NAE1: variants seen among roughly 807,000 people sequenced by gnomAD.
NAE1 encodes NEDD8-activating enzyme E1 regulatory subunit.
Under a neutral mutation model 88.0 loss-of-function variants are expected in NAE1, and 59 were observed. The observed-to-expected ratio is 0.67, with a 90% CI of 0.54 to 0.83. The LOEUF (loss-of-function observed/expected upper bound fraction) is 0.83, where lower values mean the gene tolerates loss of function less well. Among genes scored for constraint, NAE1 ranks in the 40% least tolerant of loss-of-function variants. The pLI, the probability that NAE1 is intolerant of heterozygous loss-of-function variation, is 0.00. For missense variants in NAE1, 554 were observed against 632.8 expected, an observed-to-expected ratio of 0.88 and a Z score of 1.34; for synonymous variants, 186 against 208.9, an observed-to-expected ratio of 0.89 and a Z score of 0.95.
chr16:66,825,057 T>C (rs1037513796), intron 3 of NAE1, among the ~76,000 whole-genome samples, 172 bp from the exon 4 acceptor site: 1 of 152,246 alleles, frequency 6.6e-6, no homozygotes, highest in African/African-American at 2.4e-5. Flanking sequence ...TAAAGAAAGA[T>C]AGGCTAATAA....
chr16:66,812,642 C>T (rs1247910650), intron 13 of NAE1, among the ~76,000 whole-genome samples: 3 of 151,086 alleles, frequency 2.0e-5, no homozygotes, highest in East Asian at 1.9e-4. Flanking sequence ...CTCAGCCTCC[C>T]GAATAGCTGG....
chr16:66,811,188 C>T (rs951341309), intron 13 of NAE1, among the ~76,000 whole-genome samples: 1 of 152,168 alleles, frequency 6.6e-6, no homozygotes, highest in Admixed American at 6.6e-5. Flanking sequence ...GACAGGATCT[C>T]GCTCTGCCAC....
chr16:66,818,784 C>T (rs768247958), intron 7 of NAE1, 147 bp from the exon 8 acceptor site: 323 of 1,128,802 alleles, frequency 2.9e-4, no homozygotes, highest in Non-Finnish European at 3.7e-4. Flanking sequence ...GATCCTCCCA[C>T]CTCAGCCTCC....
intron 7 of NAE1, among the ~76,000 whole-genome samples, chr16:66,820,358 G>A (rs1960199248): frequency 6.6e-6 from 1 of 152,162 alleles, no homozygotes; most frequent in African/African-American, 2.4e-5. Context: ...AAACGACTTT[G>A]GTCTCTTACA....
At chr16:66,813,351 C>G (rs1475053556) in intron 13 of NAE1, 2 of 521,042 alleles carry the variant, frequency 3.8e-6, no homozygotes, top group Non-Finnish European at 3.3e-6. Flanking sequence ...ATGTTGCCCA[C>G]GATGGTCTCA....
At chr16:66,830,044 C>T (rs987012791) in intron 1 of NAE1, among the ~76,000 whole-genome samples, 4 of 152,136 alleles carry the variant, frequency 2.6e-5, no homozygotes, top group African/African-American at 7.2e-5. Flanking sequence ...CACCACCACG[C>T]CCAGCTAATT....
intron 1 of NAE1, chr16:66,827,981 T>C (rs1277931597): frequency 1.2e-6 from 2 of 1,613,182 alleles, no homozygotes; most frequent in Non-Finnish European, 1.7e-6. Flanking sequence ...CCACTGTACC[T>C]GGCTTCATTT....
At chr16:66,817,726 T>C (rs1960102566) in intron 8 of NAE1, among the ~76,000 whole-genome samples, 1 of 152,158 alleles carries the variant, frequency 6.6e-6, no homozygotes. Context: ...TCTCAGAGAC[T>C]GCCACCCAAA....
chr16:66,825,158 G>C (rs530159185), intron 3 of NAE1, among the ~76,000 whole-genome samples: 1 of 152,264 alleles, frequency 6.6e-6, no homozygotes, highest in East Asian at 1.9e-4. Flanking sequence ...AAAACGTTTG[G>C]GAAACACCGG....
intron 16 of NAE1, 36 bp downstream of exon 16, chr16:66,808,952 TA>T: frequency 7.2e-7 from 1 of 1,380,524 alleles, no homozygotes. Flanking sequence ...TTAAATTAAT[TA>T]AAATTAACCC....
chr16:66,818,119 A>G (rs1387811098), intron 8 of NAE1, among the ~76,000 whole-genome samples: 1 of 152,176 alleles, frequency 6.6e-6, no homozygotes, highest in Non-Finnish European at 1.5e-5. Context: ...AAATAATCCA[A>G]TTAAACTCTT....
chr16:66,830,806 A>T, intron 1 of NAE1, 41 bp downstream of exon 1: 1 of 1,504,736 alleles, frequency 6.6e-7, no homozygotes, highest in Non-Finnish European at 8.8e-7. Context: ...AATGCTGGAA[A>T]GCCCGCCGGC....
rs762116286 is a variant in NAE1, at chr16:66,805,972, G to T, written c.1385C>A (p.Thr462Asn). The change falls in exon 18 of 20, where the codon ACT becomes AAT. Residue 462 changes from threonine to asparagine, a missense_variant. Coordinates refer to ENST00000290810, the MANE Select transcript of NAE1 (RefSeq NM_003905.4). ...EDIGKLKSCL[T>N]GFLQEYGLSV... is the part of the protein sequence containing the mutation. Reference sequence around the variant, plus strand: ...TAAACCATATTCCTGAAGGAAGCCAGTGAGACAAGACTTCAACTTTCCTAT... The same window carrying T: ...TAAACCATATTCCTGAAGGAAGCCATTGAGACAAGACTTCAACTTTCCTAT... 4.3e-6 allele frequency: 7 copies of T among 1,613,518 alleles called. No homozygotes were observed. The Admixed American group carries it at 1.0e-4, about 23-fold the overall frequency.
intron 11 of NAE1, among the ~76,000 whole-genome samples, chr16:66,815,339 GAA>G (rs1265870268): frequency 3.3e-5 from 5 of 152,218 alleles, no homozygotes; most frequent in African/African-American, 1.2e-4. Context: ...CATCACCCCA[GAA>G]AAGTGATTCA....
intron 17 of NAE1, among the ~76,000 whole-genome samples, chr16:66,806,613 G>A (rs576244604): frequency 3.6e-4 from 55 of 152,048 alleles, no homozygotes; most frequent in African/African-American, 1.2e-3. Context: ...TTTAGTTTCA[G>A]TGTTGGCTAG....
chr16:66,823,380 G>T, intron 5 of NAE1, 74 bp from the exon 6 acceptor site: 1 of 1,371,774 alleles, frequency 7.3e-7, no homozygotes, highest in Non-Finnish European at 1.0e-6. Context: ...GGCAGAGACA[G>T]TTAAGCTATT....
At chr16:66,828,191 A>C (rs1960540352) in intron 1 of NAE1, 1 of 807,716 alleles carries the variant, frequency 1.2e-6, no homozygotes, top group Non-Finnish European at 2.0e-6. Flanking sequence ...AGTAAATTTA[A>C]GAATACTGGT....
Position 66,826,660 on chromosome 16 carries a change from C to A in NAE1, c.157+17G>T. ...TTAAAGAAGTATATTTAGAACACAA[C>A]CACAAACCTACGTTACCTGGTAGTA... is the stretch of plus-strand genomic sequence containing the variant. On this transcript the variant is annotated intron_variant, in intron 2 of 19. Transcript: ENST00000290810. 6.2e-7 allele frequency: 1 copy of A among 1,613,804 alleles called. No homozygotes were observed. The highest frequency in any genetic ancestry group is 8.5e-7 in the Non-Finnish European group (1 of 1,179,874).
At chr16:66,819,658 T>A (rs1960174858) in intron 7 of NAE1, among the ~76,000 whole-genome samples, 1 of 152,202 alleles carries the variant, frequency 6.6e-6, no homozygotes, top group African/African-American at 2.4e-5. Flanking sequence ...AAATCTGAAG[T>A]AAGAAATGTT....
Sources: allele counts gnomAD v4.1 joint callset (sites outside exome capture counted in the v4.1 genomes callset), GRCh38; gene constraint gnomAD v4.1.1; transcripts MANE v1.5; gene names NCBI Gene and HGNC (gene_info 2026-07-23, HGNC 2026-07-21).